The following GULP1 variants were observed in gnomAD, a reference collection of about 807,000 sequenced individuals.
GULP1 encodes the protein PTB domain-containing engulfment adapter protein 1.
In GULP1, 19 loss-of-function variants were observed where a neutral mutation model predicts 40.9. The observed-to-expected ratio is 0.46, with a 90% CI of 0.32 to 0.68. The LOEUF (loss-of-function observed/expected upper bound fraction) is 0.68. Among genes scored for constraint, GULP1 ranks in the 30% least tolerant of loss-of-function variants. The probability of loss-of-function intolerance (pLI) is 0.03; values close to 1 mark genes in which losing one functional copy is unlikely to be tolerated. For missense variants in GULP1, 312 were observed against 362.2 expected, an observed-to-expected ratio of 0.86 and a Z score of 1.12; for synonymous variants, 119 against 117.6, an observed-to-expected ratio of 1.01 and a Z score of -0.08.
rs578201415 is a variant in GULP1 at position 188,560,718 on chromosome 2, G to C, written c.400-8521G>C. Among the ~76,000 whole-genome samples, 4 of 152,312 alleles carry C rather than the reference G, an allele frequency of 2.6e-5. No homozygotes were observed. In the South Asian group the frequency reaches 8.3e-4, roughly 32 times the overall value. On this transcript the variant is annotated intron_variant, in intron 7 of 11. Coordinates refer to ENST00000409830, the MANE Select transcript of GULP1 (RefSeq NM_016315.4). ...GAAGCATGATGCTGGCCTCTACACT[G>C]CTTCTGCTGATACCTCAAGAAACAC...
chr2:188,400,164 C>T (rs1223798546), intron 2 of GULP1, among the ~76,000 whole-genome samples: 2 of 152,042 alleles, frequency 1.3e-5, no homozygotes, highest in African/African-American at 4.8e-5. Flanking sequence ...CTTCTAGTGG[C>T]TCCTTGTATT....
At chr2:188,589,343 G>T (rs991814240) in intron 11 of GULP1, 25 of 154,134 alleles carry the variant, frequency 1.6e-4, no homozygotes, top group Non-Finnish European at 2.9e-4. Context: ...TTCAAATGGC[G>T]CATGATAATT....
chr2:188,312,604 CAT>C (rs1254691453), intron 1 of GULP1, among the ~76,000 whole-genome samples: 4 of 152,170 alleles, frequency 2.6e-5, no homozygotes, highest in African/African-American at 9.7e-5. Context: ...CTGCAATAAA[CAT>C]ATGTGTGCAT....
At chr2:188,361,405 A>G (rs2046065186) in intron 1 of GULP1, among the ~76,000 whole-genome samples, 1 of 151,776 alleles carries the variant, frequency 6.6e-6, no homozygotes. Context: ...TGGGTGGGGC[A>G]GGGGAGGCAG....
chr2:188,295,759 C>G (rs749177160), intron 1 of GULP1, among the ~76,000 whole-genome samples: 1 of 151,852 alleles, frequency 6.6e-6, no homozygotes, highest in Admixed American at 6.6e-5. Context: ...GTAAAAAGCA[C>G]GTGTATATGG....
intron 7 of GULP1, among the ~76,000 whole-genome samples, chr2:188,547,331 TAGTC>T (rs1377645654): frequency 2.0e-5 from 3 of 152,116 alleles, no homozygotes; most frequent in Non-Finnish European, 2.9e-5. Context: ...TGCATTATAT[TAGTC>T]AGGGTTCTCT....
chr2:188,470,561 C>T (rs546282161), intron 2 of GULP1, among the ~76,000 whole-genome samples: 2 of 152,160 alleles, frequency 1.3e-5, no homozygotes, highest in South Asian at 2.1e-4. Context: ...CTATAAACTT[C>T]CCTCTTAGTA....
intron 1 of GULP1, among the ~76,000 whole-genome samples, chr2:188,347,063 A>G (rs2043782103): frequency 6.6e-6 from 1 of 152,156 alleles, no homozygotes; most frequent in African/African-American, 2.4e-5. Context: ...TCGATTCACA[A>G]CATCACTGAT....
intron 2 of GULP1, among the ~76,000 whole-genome samples, chr2:188,401,524 A>G (rs969221219): frequency 1.3e-5 from 2 of 152,168 alleles, no homozygotes. Flanking sequence ...GAAATTGGAT[A>G]TTCATAGCAT....
intron 1 of GULP1, among the ~76,000 whole-genome samples, chr2:188,375,458 T>G (rs1364943649): frequency 6.6e-6 from 1 of 152,244 alleles, no homozygotes; most frequent in African/African-American, 2.4e-5. Context: ...ATGAATGCTT[T>G]CTGGCCCAAC....
intron 1 of GULP1, among the ~76,000 whole-genome samples, chr2:188,369,462 T>C: frequency 6.6e-6 from 1 of 151,950 alleles, no homozygotes; most frequent in African/African-American, 2.4e-5. Flanking sequence ...CCAGCCAACA[T>C]GTCCAGTCTT....
chr2:188,485,130 A>G (rs577648332), intron 4 of GULP1, among the ~76,000 whole-genome samples: 49 of 152,222 alleles, frequency 3.2e-4, no homozygotes, highest in African/African-American at 1.1e-3. Flanking sequence ...TATATGCTCC[A>G]GTTGAAACCA....
intron 1 of GULP1, among the ~76,000 whole-genome samples, chr2:188,332,800 T>G (rs1396421114): frequency 6.6e-6 from 1 of 152,084 alleles, no homozygotes; most frequent in Non-Finnish European, 1.5e-5. Context: ...CTGTGAGTAA[T>G]TTGATATGGT....
chr2:188,469,631 C>T (rs1477455056), intron 2 of GULP1, among the ~76,000 whole-genome samples: 1 of 152,016 alleles, frequency 6.6e-6, no homozygotes, highest in Non-Finnish European at 1.5e-5. Context: ...TCCTTGTGTT[C>T]CAGATTTCAA....
chr2:188,355,926 A>C (rs1220193288), intron 1 of GULP1, among the ~76,000 whole-genome samples: 3 of 152,108 alleles, frequency 2.0e-5, no homozygotes, highest in Admixed American at 1.3e-4. Context: ...AATGAAAGAC[A>C]AAAACCATTT....
At chr2:188,509,023 C>T (rs910780048) in intron 4 of GULP1, among the ~76,000 whole-genome samples, 7 of 152,052 alleles carry the variant, frequency 4.6e-5, no homozygotes, top group Non-Finnish European at 7.4e-5. Flanking sequence ...CTTAAGTCCA[C>T]GTGACTGTCA....
intron 4 of GULP1, among the ~76,000 whole-genome samples, chr2:188,520,677 CAT>C (rs2065667172): frequency 1.3e-5 from 2 of 152,222 alleles, no homozygotes; most frequent in East Asian, 3.9e-4. Flanking sequence ...ATTTTCAACT[CAT>C]CTTTGTACCT....
chr2:188,314,906 G>A (rs1574342075), intron 1 of GULP1, among the ~76,000 whole-genome samples: 1 of 152,156 alleles, frequency 6.6e-6, no homozygotes, highest in East Asian at 1.9e-4. Context: ...CCACCCATTA[G>A]TCACTTAGTA....
intron 4 of GULP1, among the ~76,000 whole-genome samples, chr2:188,489,653 T>C (rs1268286075): frequency 2.6e-5 from 4 of 152,020 alleles, no homozygotes; most frequent in Non-Finnish European, 5.9e-5. Flanking sequence ...TAATTTGGGA[T>C]CTGTTATCAC....
Sources: gnomAD v4.1 joint callset for allele counts (sites outside exome capture counted in the v4.1 genomes callset) on GRCh38, gnomAD v4.1.1 for gene constraint, MANE v1.5 for transcripts, NCBI Gene and HGNC (gene_info 2026-07-23, HGNC 2026-07-21) for gene names.